PIBF1: variants seen among roughly 807,000 people sequenced by gnomAD.
The protein encoded by PIBF1 is progesterone-induced-blocking factor 1.
In PIBF1, 90 loss-of-function variants were observed where a neutral mutation model predicts 112.5. That is an observed-to-expected ratio of 0.80 (90% CI 0.67 to 0.95). The LOEUF is 0.95. Among genes scored for constraint, PIBF1 ranks in the 40% least tolerant of loss-of-function variants. PIBF1 has a pLI of 0.00. For missense variants in PIBF1, 915 were observed against 852.3 expected, an observed-to-expected ratio of 1.07 and a Z score of -0.92; for synonymous variants, 301 against 288.6, an observed-to-expected ratio of 1.04 and a Z score of -0.44.
At chr13:72,855,806 T>C (rs2038398973) in intron 10 of PIBF1, among the ~76,000 whole-genome samples, 1 of 152,180 alleles carries the variant, frequency 6.6e-6, no homozygotes, top group African/African-American at 2.4e-5. Context: ...TGATGTCCCC[T>C]AAAGATTCAT....
chr13:72,790,223 T>C (rs1245562708), intron 2 of PIBF1, among the ~76,000 whole-genome samples: 2 of 152,098 alleles, frequency 1.3e-5, no homozygotes, highest in Non-Finnish European at 2.9e-5. Flanking sequence ...ACTAAAATAA[T>C]AGACTAAGGG....
intron 12 of PIBF1, among the ~76,000 whole-genome samples, chr13:72,913,401 C>T (rs138855974): frequency 7.0e-4 from 106 of 152,202 alleles, no homozygotes; most frequent in African/African-American, 2.2e-3. Flanking sequence ...ATGTCCACAA[C>T]TTTCTTTGAA....
intron 6 of PIBF1, among the ~76,000 whole-genome samples, chr13:72,823,593 A>G (rs1013872422): frequency 1.3e-5 from 2 of 152,170 alleles, no homozygotes; most frequent in Non-Finnish European, 2.9e-5. Context: ...AATTCTCACA[A>G]ATGTACAAAA....
At position 72,827,881 on chromosome 13, in the gene PIBF1, G is replaced by C; in HGVS notation, c.1064G>C (p.Arg355Thr). The C allele has an allele frequency of 6.3e-7, 1 of 1,584,078 alleles. No homozygotes were observed. The highest frequency in any genetic ancestry group is 8.6e-7 in the Non-Finnish European group (1 of 1,165,296). Reference protein sequence around the residue: ...QAQLEESKKAREEMYEKYVAS... With the variant: ...QAQLEESKKATEEMYEKYVAS... ...CAACTGGAAGAAAGCAAAAAGGCTA[G>C]AGAAGAGATGTATGAAAAATATGTA... The change falls in exon 8 of 18, where the codon AGA becomes ACA. Residue 355 changes from arginine to threonine, a missense_variant. By Grantham distance (71) the Arg-to-Thr change is moderately conservative (BLOSUM62 -1). Coordinates refer to ENST00000326291, the MANE Select transcript of PIBF1 (RefSeq NM_006346.4).
At chr13:73,007,446 G>T (rs2044069176) in intron 17 of PIBF1, among the ~76,000 whole-genome samples, 1 of 151,960 alleles carries the variant, frequency 6.6e-6, no homozygotes, top group African/African-American at 2.4e-5. Context: ...ATTTTGCTGT[G>T]CCCATTTTAA....
chr13:72,812,964 GAAAAA>G (rs1250024144), intron 5 of PIBF1, among the ~76,000 whole-genome samples: 1 of 151,698 alleles, frequency 6.6e-6, no homozygotes, highest in Non-Finnish European at 1.5e-5. Flanking sequence ...AAAAAAGAAA[GAAAAA>G]AGAAAAGAAA....
intron 16 of PIBF1, among the ~76,000 whole-genome samples, chr13:72,995,885 A>C (rs967077939): frequency 2.7e-4 from 40 of 150,506 alleles, no homozygotes; most frequent in African/African-American, 8.5e-4. Flanking sequence ...GGAGGCGGAG[A>C]TTGCAGTGAG....
At position 72,866,996 on chromosome 13, in the gene PIBF1, AAC is replaced by A. The variant is rs562053396; in HGVS notation, c.1322+12843_1322+12844del. Reference sequence around the variant, plus strand: ...GTATATTACTGTAAATGAAAGGAAAAACAACCAATATATAAGTCTGTGCTTCA... The same window carrying A: ...GTATATTACTGTAAATGAAAGGAAAAAACCAATATATAAGTCTGTGCTTCA... On this transcript the variant is annotated intron_variant, in intron 10 of 17. Transcript: ENST00000326291. 3.9e-5 allele frequency among the ~76,000 whole-genome samples: 6 copies of A among 152,314 alleles called. No homozygotes were observed. In the South Asian group the frequency reaches 1.2e-3, roughly 32 times the overall value.
intron 14 of PIBF1, among the ~76,000 whole-genome samples, chr13:72,937,134 T>G (rs1344814280): frequency 6.6e-6 from 1 of 152,168 alleles, no homozygotes; most frequent in Non-Finnish European, 1.5e-5. Flanking sequence ...TTGGAGATTT[T>G]TTTAGAACAC....
intron 16 of PIBF1, among the ~76,000 whole-genome samples, chr13:72,987,858 ATTTTTTTTTTTTTTTT>A (rs55999445): frequency 3.4e-5 from 2 of 58,136 alleles, no homozygotes; most frequent in Admixed American, 2.4e-4. Flanking sequence ...TTATTTATTT[ATTTTTTTTTTTTTTTT>A]TTTTTTTGAG....
intron 14 of PIBF1, among the ~76,000 whole-genome samples, chr13:72,935,519 T>A (rs1391569989): frequency 1.3e-5 from 2 of 152,218 alleles, no homozygotes; most frequent in African/African-American, 4.8e-5. Context: ...ATACAAGTCT[T>A]TGTATGGACG....
chr13:72,933,954 A>G (rs2041787611), intron 14 of PIBF1, among the ~76,000 whole-genome samples: 1 of 152,224 alleles, frequency 6.6e-6, no homozygotes, highest in Admixed American at 6.5e-5. Flanking sequence ...TTGAAGTTGG[A>G]TGACGTTTAC....
At chr13:72,848,341 C>T (rs1184653535) in intron 9 of PIBF1, among the ~76,000 whole-genome samples, 2 of 152,068 alleles carry the variant, frequency 1.3e-5, no homozygotes, top group African/African-American at 4.8e-5. Flanking sequence ...TGAAATTTAT[C>T]ATCTAGTAGT....
intron 2 of PIBF1, among the ~76,000 whole-genome samples, chr13:72,791,993 T>C (rs2034955323): frequency 1.3e-5 from 2 of 151,356 alleles, no homozygotes; most frequent in African/African-American, 2.4e-5. Flanking sequence ...AATTTGGAGG[T>C]TGGCAAAACT....
At chr13:72,981,539 G>A (rs1316693704) in intron 16 of PIBF1, among the ~76,000 whole-genome samples, 2 of 152,070 alleles carry the variant, frequency 1.3e-5, no homozygotes, top group African/African-American at 4.8e-5. Flanking sequence ...TAGGTTTAGT[G>A]GTAAGTATTT....
intron 14 of PIBF1, among the ~76,000 whole-genome samples, chr13:72,939,014 TTG>T (rs1409552069): frequency 6.6e-6 from 1 of 152,170 alleles, no homozygotes; most frequent in Admixed American, 6.5e-5. Flanking sequence ...TTGAATTGGG[TTG>T]TCTTTCTGTT....
chr13:72,914,067 A>G (rs960681545), intron 12 of PIBF1, among the ~76,000 whole-genome samples: 7 of 152,128 alleles, frequency 4.6e-5, no homozygotes, highest in Admixed American at 2.6e-4. Flanking sequence ...ATTGTGTACA[A>G]TTTTCAAAGG....
Position 72,811,608 on chromosome 13 carries a change from A to AAG in PIBF1, c.673-10233_673-10232dup, listed in dbSNP as rs1555287755. 3.5e-4 allele frequency among the ~76,000 whole-genome samples: 49 copies of AAG among 139,696 alleles called. 3 individuals carry two copies. Among genetic ancestry groups the AAG allele is most frequent in the East Asian group, 6.1e-4 (3 of 4,880 alleles). 91.6% of individuals were successfully genotyped at this position (139,696 alleles called of 152,430 possible). On this transcript the variant is annotated intron_variant, in intron 5 of 17. Transcript: ENST00000326291. ...AAAACTCCGTCTCAAAAAAAAAAAAAAGAGAGAGAAATGTATATATTAATG... is the reference window on the plus strand; with the variant it reads ...AAAACTCCGTCTCAAAAAAAAAAAAAAGAGAGAGAGAAATGTATATATTAATG...
At chr13:72,869,801 C>T (rs890425099) in intron 10 of PIBF1, among the ~76,000 whole-genome samples, 29 of 151,602 alleles carry the variant, frequency 1.9e-4, no homozygotes, top group Non-Finnish European at 3.5e-4. Context: ...ACTTAACCCC[C>T]CACCTCCACA....
Sources: allele counts gnomAD v4.1 joint callset (sites outside exome capture counted in the v4.1 genomes callset), GRCh38; gene constraint gnomAD v4.1.1; transcripts MANE v1.5; gene names NCBI Gene and HGNC (gene_info 2026-07-23, HGNC 2026-07-21).